The following WWC1 variants were observed in gnomAD, a reference collection of about 807,000 sequenced individuals.
WWC1 encodes the protein protein KIBRA.
WWC1 carries 55 observed loss-of-function variants against 138.4 expected under a neutral mutation model. The observed-to-expected ratio is 0.40, with a 90% CI of 0.32 to 0.50. The LOEUF (loss-of-function observed/expected upper bound fraction) is 0.50. Among genes scored for constraint, WWC1 ranks in the 20% least tolerant of loss-of-function variants. The pLI is 0.72. For synonymous variants in WWC1, 524 were observed against 564.9 expected, an observed-to-expected ratio of 0.93 and a Z score of 1.03; for missense variants, 1,226 against 1,420.4, an observed-to-expected ratio of 0.86 and a Z score of 2.20.
chr5:168,393,100 G>C (rs941087216), intron 3 of WWC1, among the ~76,000 whole-genome samples: 3 of 151,794 alleles, frequency 2.0e-5, no homozygotes, highest in African/African-American at 7.3e-5. Context: ...AAAAATACAA[G>C]ATTGAAAATA....
chr5:168,371,110 C>A (rs1776720557), intron 1 of WWC1, among the ~76,000 whole-genome samples: 1 of 152,184 alleles, frequency 6.6e-6, no homozygotes, highest in African/African-American at 2.4e-5. Context: ...TGCCTGCAAA[C>A]CCTCAATCAG....
chr5:168,461,654 G>A (rs34983742), intron 20 of WWC1, among the ~76,000 whole-genome samples: 14,813 of 152,282 alleles, frequency 0.097, 813 homozygotes, highest in Non-Finnish European at 0.12. Context: ...GACCATTAAG[G>A]GCTGCAGGAG....
chr5:168,410,408 T>G (rs1780132866), intron 8 of WWC1, among the ~76,000 whole-genome samples: 3 of 152,262 alleles, frequency 2.0e-5, no homozygotes, highest in Admixed American at 2.0e-4. Context: ...GGGAGCAAGC[T>G]GGGCTTTTAA....
Position 168,455,445 on chromosome 5 carries a change from G to A in WWC1, c.2748G>A (p.Gly916=). The stretch of plus-strand genomic sequence containing the variant: ...GGAGAGTGGGCACCCCGTCCCAGGG[G>A]CCATTTCTTCGAGGGAGCACCATCA... ...KDRRVGTPSQ[G]PFLRGSTIIR... is the part of the protein sequence containing the mutation. Residue 916 remains glycine, a synonymous_variant, in exon 19 of 23, where the codon GGG becomes GGA. Transcript: ENST00000265293. 2 of 1,612,718 alleles carry A rather than the reference G, an allele frequency of 1.2e-6. No individual in the cohort carries two copies. Among genetic ancestry groups the A allele is most frequent in the Admixed American group, 1.7e-5 (1 of 59,850 alleles).
intron 1 of WWC1, among the ~76,000 whole-genome samples, chr5:168,344,764 G>C (rs556887989): frequency 6.6e-6 from 1 of 152,262 alleles, no homozygotes; most frequent in East Asian, 1.9e-4. Flanking sequence ...TTATTTAGAA[G>C]AGAAATTACT....
rs377343643 is a variant in WWC1, at chr5:168,408,646, C to T, written c.860C>T (p.Ser287Leu). Residue 287 changes from serine (S) to leucine (L), a missense_variant, in exon 7 of 23, where the codon TCG becomes TTG. Ser to Leu is a moderately radical substitution (Grantham distance 145, BLOSUM62 -2). Coordinates refer to ENST00000265293, the MANE Select transcript of WWC1 (RefSeq NM_015238.3). ...YLDVSSQTDISGSFGINSNNQ... is the reference protein window; with the variant it reads ...YLDVSSQTDILGSFGINSNNQ... Reference sequence around the variant, plus strand: ...GATGTGAGCTCCCAGACAGACATCTCGGGAAGCGTGAGTAGACGGGGCAGG... The same window carrying T: ...GATGTGAGCTCCCAGACAGACATCTTGGGAAGCGTGAGTAGACGGGGCAGG... 8.7e-6 allele frequency: 14 copies of T among 1,614,070 alleles called. No homozygotes were observed. Among genetic ancestry groups the T allele is most frequent in the Middle Eastern group, 1.6e-4 (1 of 6,062 alleles).
rs146212755 is a variant in WWC1 at position 168,455,420 on chromosome 5, G to A, written c.2723G>A (p.Arg908Gln). The A allele has an allele frequency of 2.0e-4, 330 of 1,611,746 alleles. No individual in the cohort carries two copies. Among genetic ancestry groups the A allele is most frequent in the Non-Finnish European group, 2.6e-4 (303 of 1,179,074 alleles). Residue 908 changes from arginine (R) to glutamine (Q), a missense_variant, in exon 19 of 23, where the codon CGG becomes CAG. By Grantham distance (43) the Arg-to-Gln change is conservative. Coordinates refer to ENST00000265293, the MANE Select transcript of WWC1 (RefSeq NM_015238.3). ...PSPTVVRPKD[R>Q]RVGTPSQGPF... ...CCCACAGTGGTGCGACCTAAGGACC[G>A]GAGAGTGGGCACCCCGTCCCAGGGG...
chr5:168,409,871 A>G (rs1447578581), intron 7 of WWC1, 51 bp from the exon 8 acceptor site: 1 of 1,600,670 alleles, frequency 6.2e-7, no homozygotes, highest in Admixed American at 1.7e-5. Flanking sequence ...AACCCAACTC[A>G]GCACCGGCCA....
chr5:168,386,031 C>T (rs1356583057), intron 3 of WWC1, among the ~76,000 whole-genome samples: 1 of 152,050 alleles, frequency 6.6e-6, no homozygotes, highest in Non-Finnish European at 1.5e-5. Flanking sequence ...CCTACCCCAC[C>T]CTGTAATTTT....
At chr5:168,404,342 T>A (rs1461513734) in intron 5 of WWC1, among the ~76,000 whole-genome samples, 2 of 152,218 alleles carry the variant, frequency 1.3e-5, no homozygotes, top group African/African-American at 4.8e-5. Flanking sequence ...CTTAGACTAA[T>A]TTTTCAGACT....
intron 17 of WWC1, among the ~76,000 whole-genome samples, chr5:168,452,283 T>TC (rs1755903082): frequency 6.6e-6 from 1 of 152,072 alleles, no homozygotes; most frequent in Non-Finnish European, 1.5e-5. Context: ...CTGATTTGTG[T>TC]CCCCCCAAAA....
chr5:168,414,873 AAC>A, intron 9 of WWC1: 1 of 364,516 alleles, frequency 2.7e-6, no homozygotes. Context: ...TAAGCCACAT[AAC>A]TCTATATAAC....
At chr5:168,464,518 A>C (rs779120679) in intron 20 of WWC1, among the ~76,000 whole-genome samples, 15 of 152,186 alleles carry the variant, frequency 9.9e-5, no homozygotes, top group Admixed American at 6.5e-5. Context: ...TATGGAAATG[A>C]AGTGCTTAGT....
Position 168,292,275 on chromosome 5 carries a change from G to A in WWC1, c.119+4G>A. 1.3e-6 allele frequency: 2 copies of A among 1,594,548 alleles called. No homozygotes were observed. Among genetic ancestry groups the A allele is most frequent in the African/African-American group, 1.3e-5 (1 of 74,420 alleles). ...GCTGGATCGACCCGCGGGACAGGTA[G>A]GACCCTGGAACCCTCCTCCGTGCCC... On this transcript the variant is annotated splice_donor_region_variant and intron_variant, in intron 1 of 22. Coordinates refer to ENST00000265293, the MANE Select transcript of WWC1 (RefSeq NM_015238.3). This position sits in a 1 kb window ranked among gnomAD's most constrained non-coding sequence, Gnocchi z 4.4.
At chr5:168,445,701 CAAAA>C (rs763044458) in intron 17 of WWC1, among the ~76,000 whole-genome samples, 1 of 50,682 alleles carries the variant, frequency 2.0e-5, no homozygotes, top group Non-Finnish European at 3.9e-5. Flanking sequence ...GACTCTGTCT[CAAAA>C]AAAAAAAAAA....
chr5:168,365,077 C>T (rs1195310666), intron 1 of WWC1, among the ~76,000 whole-genome samples: 1 of 152,234 alleles, frequency 6.6e-6, no homozygotes, highest in African/African-American at 2.4e-5. Context: ...CAAACGTTGC[C>T]TTTCTTCCTG....
chr5:168,408,637 C>G lies in WWC1; in HGVS notation c.851C>G (p.Thr284Arg), dbSNP rs2152839254. Reference sequence around the variant, plus strand: ...CAGTACCTGGATGTGAGCTCCCAGACAGACATCTCGGGAAGCGTGAGTAGA... The same window carrying G: ...CAGTACCTGGATGTGAGCTCCCAGAGAGACATCTCGGGAAGCGTGAGTAGA... Reference protein sequence around the residue: ...PKQYLDVSSQTDISGSFGINS... With the variant: ...PKQYLDVSSQRDISGSFGINS... Residue 284 changes from threonine to arginine, a missense_variant, in exon 7 of 23, where the codon ACA (threonine) becomes AGA (arginine). Coordinates refer to ENST00000265293, the MANE Select transcript of WWC1 (RefSeq NM_015238.3). 1 of 1,614,174 alleles carries G rather than the reference C, an allele frequency of 6.2e-7. No individual in the cohort carries two copies. Among genetic ancestry groups the G allele is most frequent in the Non-Finnish European group, 8.5e-7 (1 of 1,180,008 alleles).
intron 1 of WWC1, among the ~76,000 whole-genome samples, chr5:168,296,569 T>C (rs1238924127): frequency 6.6e-6 from 1 of 152,172 alleles, no homozygotes; most frequent in Non-Finnish European, 1.5e-5. Flanking sequence ...AGCTTGGAAA[T>C]TGCTTGTCAC....
chr5:168,330,298 T>C (rs577062911), intron 1 of WWC1, among the ~76,000 whole-genome samples: 1 of 152,332 alleles, frequency 6.6e-6, no homozygotes, highest in South Asian at 2.1e-4. Flanking sequence ...CTGGTTTCCA[T>C]GTGCTGACTG....
Sources: allele counts gnomAD v4.1 joint callset (sites outside exome capture counted in the v4.1 genomes callset), GRCh38; gene constraint gnomAD v4.1.1; non-coding constraint Gnocchi (gnomAD v3.1); transcripts MANE v1.5; gene names NCBI Gene and HGNC (gene_info 2026-07-23, HGNC 2026-07-21).